The following ZUP1 variants were observed in gnomAD, a reference collection of about 807,000 sequenced individuals.
ZUP1 encodes the protein zinc finger containing ubiquitin peptidase 1, also known as zinc finger-containing ubiquitin peptidase 1.
A neutral mutation model predicts 68.1 loss-of-function variants in ZUP1; 55 were observed. That is an observed-to-expected ratio of 0.81 (90% CI 0.65 to 1.01). The LOEUF (loss-of-function observed/expected upper bound fraction) is 1.01. Among genes scored for constraint, ZUP1 ranks in the 50% least tolerant of loss-of-function variants. ZUP1 has a pLI of 0.00. For missense variants in ZUP1, 684 were observed against 674.9 expected, an observed-to-expected ratio of 1.01 and a Z score of -0.15; for synonymous variants, 223 against 221.5, an observed-to-expected ratio of 1.01 and a Z score of -0.06.
intron 6 of ZUP1, 91 bp downstream of exon 6, chr6:116,651,913 A>G (rs1445092300): frequency 7.0e-7 from 1 of 1,432,850 alleles, no homozygotes; most frequent in Non-Finnish European, 9.5e-7. Flanking sequence ...ATATCCACTA[A>G]CTGTTAAAGC....
In ZUP1 at chr6:116,651,706, T is replaced by C; in HGVS notation, c.1182A>G (p.Gln394=). 2 of 1,613,772 alleles carry C rather than the reference T, an allele frequency of 1.2e-6. No homozygotes were observed. Among genetic ancestry groups the C allele is most frequent in the Non-Finnish European group, 1.7e-6 (2 of 1,179,794 alleles). ...CCTTCCATGCATCTTCAATCATAGA[T>C]TGAATTTTTGGAATGCAAGGAATCA... ...GMLIPCIPKI[Q]SMIEDAWKEG... The change falls in exon 7 of 10, where the codon CAA becomes CAG. Residue 394 remains glutamine (Q), a synonymous_variant. Transcript: ENST00000368576.
intron 9 of ZUP1, among the ~76,000 whole-genome samples, chr6:116,645,341 G>A (rs560844138): frequency 6.6e-6 from 1 of 152,178 alleles, no homozygotes; most frequent in South Asian, 2.1e-4. Flanking sequence ...AACACTTTGG[G>A]AGGCTGAGGT....
In ZUP1 at chr6:116,658,886, C is replaced by T. The variant is rs779008448; in HGVS notation, c.709G>A (p.Ala237Thr). 5.6e-6 allele frequency: 9 copies of T among 1,611,882 alleles called. No individual in the cohort carries two copies. Among genetic ancestry groups the T allele is most frequent in the Non-Finnish European group, 7.6e-6 (9 of 1,179,418 alleles). The change falls in exon 4 of 10, where the codon GCT (alanine) becomes ACT (threonine). Residue 237 changes from alanine to threonine, a missense_variant. By Grantham distance (58) the Ala-to-Thr change is moderately conservative. Coordinates refer to ENST00000368576, the MANE Select transcript of ZUP1 (RefSeq NM_145062.3). ...RVQCSGDLQLAHQLQQEEDRK... is the reference protein window; with the variant it reads ...RVQCSGDLQLTHQLQQEEDRK... Reference sequence around the variant, plus strand: ...TCTTCTTCTTGCTGAAGCTGGTGAGCCAATTGTAGATCACCAGAACACTGG... The same window carrying T: ...TCTTCTTCTTGCTGAAGCTGGTGAGTCAATTGTAGATCACCAGAACACTGG...
At chr6:116,645,125 AAAATT>A (rs550067364) in intron 9 of ZUP1, among the ~76,000 whole-genome samples, 184 of 145,636 alleles carry the variant, frequency 1.3e-3, no homozygotes, top group African/African-American at 3.2e-3. Context: ...AAAATGCAAA[AAAATT>A]AAATTAAATT....
chr6:116,645,961 T>C lies in ZUP1; in HGVS notation c.1469-27A>G, dbSNP rs542258960. ...TATCAAAAGATTTTTAAGTTATACA[T>C]ACGTCACATCTATTTACAGTTATAC... On this transcript the variant is annotated intron_variant, in intron 8 of 9. Coordinates refer to ENST00000368576, the MANE Select transcript of ZUP1 (RefSeq NM_145062.3). The C allele has an allele frequency of 1.7e-4, 247 of 1,496,260 alleles. 4 individuals carry two copies. In the South Asian group the frequency reaches 2.4e-3, roughly 14 times the overall value. The allele number at this position is 1,496,260 out of a possible 1,614,324, so 92.7% of individuals were successfully genotyped here. A position where few individuals can be genotyped will look rare whatever the true frequency, so the allele number is the denominator to read the frequency against.
rs1358304558 is a variant in ZUP1, at chr6:116,658,891, T to C, written c.704A>G (p.Gln235Arg). 4.3e-6 allele frequency: 7 copies of C among 1,612,158 alleles called. No individual in the cohort carries two copies. Among genetic ancestry groups the C allele is most frequent in the Non-Finnish European group, 5.9e-6 (7 of 1,179,474 alleles). ...MDRVQCSGDL[Q>R]LAHQLQQEED... ...TTCTTGCTGAAGCTGGTGAGCCAAT[T>C]GTAGATCACCAGAACACTGGACTCT... The change falls in exon 4 of 10, where the codon CAA (glutamine) becomes CGA (arginine). Residue 235 changes from glutamine (Q) to arginine (R), a missense_variant. By Grantham distance (43) the Gln-to-Arg change is conservative (BLOSUM62 1). Transcript: ENST00000368576.
At chr6:116,639,952 C>A (rs7751057) in intron 9 of ZUP1, among the ~76,000 whole-genome samples, 1 of 151,846 alleles carries the variant, frequency 6.6e-6, no homozygotes, top group Non-Finnish European at 1.5e-5. Context: ...AAAATTTAGA[C>A]GAATGTATAA....
intron 9 of ZUP1, among the ~76,000 whole-genome samples, chr6:116,645,387 C>T (rs139441911): frequency 6.6e-6 from 1 of 151,798 alleles, no homozygotes; most frequent in African/African-American, 2.4e-5. Flanking sequence ...TTGAGACCAG[C>T]CTGGGCACCA....
At chr6:116,652,326 C>T (rs1401574260) in intron 5 of ZUP1, 134 bp from the exon 6 acceptor site, 8 of 690,778 alleles carry the variant, frequency 1.2e-5, no homozygotes, top group African/African-American at 1.8e-5. Context: ...CTTCTTCTTG[C>T]TATAACCTTA....
At chr6:116,647,026 G>A (rs1643872807) in intron 8 of ZUP1, among the ~76,000 whole-genome samples, 1 of 152,142 alleles carries the variant, frequency 6.6e-6, no homozygotes, top group African/African-American at 2.4e-5. Context: ...GAAGATGTCA[G>A]GAATATCAGT....
chr6:116,651,014 T>C (rs7763921), intron 7 of ZUP1, among the ~76,000 whole-genome samples: 55,427 of 151,856 alleles, frequency 0.36, 10,762 homozygotes, highest in African/African-American at 0.5. Context: ...GAGGACAGAA[T>C]GCTCAAGAAG....
At chr6:116,639,068 C>G (rs551194647) in intron 9 of ZUP1, among the ~76,000 whole-genome samples, 4 of 152,094 alleles carry the variant, frequency 2.6e-5, no homozygotes, top group Non-Finnish European at 5.9e-5. Context: ...CCTACGCCCA[C>G]GGAGTCTCCC....
At chr6:116,667,496 G>T (rs1777047996) in intron 1 of ZUP1, among the ~76,000 whole-genome samples, 1 of 151,816 alleles carries the variant, frequency 6.6e-6, no homozygotes, top group South Asian at 2.1e-4. Context: ...TTAAAAAATT[G>T]TCCAGGTAAG....
chr6:116,642,536 G>A (rs892437485), intron 9 of ZUP1, among the ~76,000 whole-genome samples: 1 of 152,086 alleles, frequency 6.6e-6, no homozygotes, highest in Non-Finnish European at 1.5e-5. Context: ...TTCAATATAC[G>A]CAAATCAATA....
At chr6:116,662,644 C>A (rs1776879429) in intron 2 of ZUP1, among the ~76,000 whole-genome samples, 1 of 152,178 alleles carries the variant, frequency 6.6e-6, no homozygotes, top group Non-Finnish European at 1.5e-5. Flanking sequence ...CTTCTCTATA[C>A]ACAAAATCTT....
chr6:116,652,680 C>T (rs1776548983), intron 5 of ZUP1, among the ~76,000 whole-genome samples: 1 of 152,034 alleles, frequency 6.6e-6, no homozygotes, highest in Non-Finnish European at 1.5e-5. Context: ...ATAAACATAT[C>T]TCATACTCCA....
chr6:116,642,364 C>A (rs1489487584), intron 9 of ZUP1, among the ~76,000 whole-genome samples: 3 of 152,096 alleles, frequency 2.0e-5, no homozygotes, highest in East Asian at 1.9e-4. Flanking sequence ...GATACCAAAG[C>A]CTTGCAGAGA....
rs187719091 is a variant in ZUP1 at position 116,648,727 on chromosome 6, C to A, written c.1317-1117G>T. Among the ~76,000 whole-genome samples, 6 of 152,018 alleles carry A rather than the reference C, an allele frequency of 3.9e-5. No homozygotes were observed. In the East Asian group the frequency reaches 1.2e-3, roughly 29 times the overall value. The stretch of plus-strand genomic sequence containing the variant: ...CTGTGATCCCAGTACTTTGAGAGGC[C>A]AAGGCGGGTGGATCGCTTGAGCCTA... On this transcript the variant is annotated intron_variant, in intron 7 of 9. Coordinates refer to ENST00000368576, the MANE Select transcript of ZUP1 (RefSeq NM_145062.3).
In ZUP1 at chr6:116,647,567, T is replaced by C. The variant is rs770769826; in HGVS notation, c.1360A>G (p.Thr454Ala). The C allele has an allele frequency of 6.3e-7, 1 of 1,594,524 alleles. No homozygotes were observed. The highest frequency in any genetic ancestry group is 1.7e-5 in the Admixed American group (1 of 59,598). Residue 454 changes from threonine (T) to alanine (A), a missense_variant, in exon 8 of 10, where the codon ACA (threonine) becomes GCA (alanine). By Grantham distance (58) the Thr-to-Ala change is moderately conservative. Coordinates refer to ENST00000368576, the MANE Select transcript of ZUP1 (RefSeq NM_145062.3). ...DFHKSTGPLGTHPRLFEWILN... is the reference protein window; with the variant it reads ...DFHKSTGPLGAHPRLFEWILN... ...ATCCATTCAAATAAGCGAGGGTGTG[T>C]ACCCAAAGGACCAGTTGATTTGTGA...
Sources: allele counts gnomAD v4.1 joint callset (sites outside exome capture counted in the v4.1 genomes callset), GRCh38; gene constraint gnomAD v4.1.1; transcripts MANE v1.5; gene names NCBI Gene and HGNC (gene_info 2026-07-23, HGNC 2026-07-21).